Variants in CHN2 observed in about 807,000 individuals in gnomAD.
CHN2 encodes beta-chimaerin.
A neutral mutation model predicts 56.3 loss-of-function variants in CHN2; 35 were observed. The ratio of observed to expected loss-of-function variants is 0.62; its 90% confidence interval spans 0.47 to 0.82. The LOEUF (loss-of-function observed/expected upper bound fraction) is 0.82. Ranked by LOEUF, CHN2 falls within the 40% of genes least tolerant of loss-of-function variation. CHN2 has a pLI of 0.00. For synonymous variants in CHN2, 210 were observed against 212.8 expected, an observed-to-expected ratio of 0.99 and a Z score of 0.12; for missense variants, 491 against 580.5, an observed-to-expected ratio of 0.85 and a Z score of 1.58.
At chr7:29,326,967 T>C (rs1410238099) in intron 1 of CHN2, among the ~76,000 whole-genome samples, 3 of 152,202 alleles carry the variant, frequency 2.0e-5, no homozygotes, top group African/African-American at 7.2e-5. Context: ...ATTTTACAAG[T>C]ATAGCAATGG....
intron 12 of CHN2, among the ~76,000 whole-genome samples, chr7:29,510,851 C>T (rs936914238): frequency 2.0e-5 from 3 of 152,162 alleles, no homozygotes; most frequent in African/African-American, 7.2e-5. Context: ...CTGCCACACA[C>T]ACAGCTGTCT....
chr7:29,198,369 T>G (rs1783905251), intron 1 of CHN2, among the ~76,000 whole-genome samples: 1 of 152,266 alleles, frequency 6.6e-6, no homozygotes, highest in Non-Finnish European at 1.5e-5. Flanking sequence ...CACTAGCTGC[T>G]GTTAAACTAC....
rs572458672 is a variant in CHN2 at position 29,257,260 on chromosome 7, A to G, written c.49+62270A>G. On this transcript the variant is annotated intron_variant, in intron 1 of 12. Coordinates refer to ENST00000222792, the MANE Select transcript of CHN2 (RefSeq NM_004067.4). ...GTGGTCCATCCTAGCCCTGGTTTCC[A>G]TTTGGCTTGGTCACACCACTGTGTC... Among the ~76,000 whole-genome samples the G allele has an allele frequency of 3.9e-5, 6 of 152,200 alleles. No individual in the cohort carries two copies. The South Asian group carries it at 8.3e-4, about 21-fold the overall frequency.
chr7:29,246,948 C>T (rs39093), intron 1 of CHN2, among the ~76,000 whole-genome samples: 118,773 of 152,086 alleles, frequency 0.78, 46,585 homozygotes, highest in East Asian at 0.93. Flanking sequence ...ATTTGGCAGA[C>T]ACACAAACAC....
intron 6 of CHN2, among the ~76,000 whole-genome samples, chr7:29,430,576 G>A (rs1782769050): frequency 6.6e-6 from 1 of 152,084 alleles, no homozygotes; most frequent in Admixed American, 6.6e-5. Context: ...TAAACAACTG[G>A]CCACATTTGG....
intron 1 of CHN2, among the ~76,000 whole-genome samples, chr7:29,282,506 C>T (rs924015017): frequency 1.3e-5 from 2 of 152,088 alleles, no homozygotes; most frequent in African/African-American, 2.4e-5. Context: ...ACTATAGAAG[C>T]GTTCCTGAAA....
Position 29,512,782 on chromosome 7 carries a change from C to T in CHN2, c.*47C>T. ...ATGGCCCCAGCACCATCCAAGTTGA[C>T]ACAGCTAAAGGAATAAAAACATTTC... On this transcript the variant is annotated 3_prime_UTR_variant, in exon 13 of 13. Transcript: ENST00000222792. The T allele has an allele frequency of 6.4e-7, 1 of 1,570,254 alleles. No homozygotes were observed. The highest frequency in any genetic ancestry group is 1.2e-5 in the South Asian group (1 of 85,984).
intron 11 of CHN2, among the ~76,000 whole-genome samples, chr7:29,508,472 GT>G (rs1790875504): frequency 6.6e-6 from 1 of 151,006 alleles, no homozygotes; most frequent in South Asian, 2.1e-4. Context: ...GCTGTTAAAT[GT>G]AGTAATGAGA....
At chr7:29,359,552 GAAAAGGAAAA>G (rs1421013244) in intron 2 of CHN2, among the ~76,000 whole-genome samples, 2 of 151,320 alleles carry the variant, frequency 1.3e-5, no homozygotes, top group Non-Finnish European at 2.9e-5. Flanking sequence ...CCTTTTCTTA[GAAAAGGAAAA>G]AAAAGGAAAA....
intron 6 of CHN2, among the ~76,000 whole-genome samples, chr7:29,456,780 A>G (rs1476021183): frequency 6.6e-6 from 1 of 152,072 alleles, no homozygotes. Flanking sequence ...GGAGGGTTCT[A>G]GGAATGCAGG....
At chr7:29,308,061 G>A (rs754086906) in intron 1 of CHN2, among the ~76,000 whole-genome samples, 21 of 152,062 alleles carry the variant, frequency 1.4e-4, no homozygotes, top group Non-Finnish European at 2.5e-4. Flanking sequence ...TGGGTATCTC[G>A]GCATACAAAT....
chr7:29,367,679 G>T (rs575887946), intron 2 of CHN2, among the ~76,000 whole-genome samples: 1 of 152,272 alleles, frequency 6.6e-6, no homozygotes, highest in Admixed American at 6.5e-5. Context: ...AACAATGCCA[G>T]TAACAATTAT....
chr7:29,232,576 A>G (rs1786799446), intron 1 of CHN2, among the ~76,000 whole-genome samples: 1 of 152,184 alleles, frequency 6.6e-6, no homozygotes, highest in Admixed American at 6.5e-5. Context: ...ATTTAATTTC[A>G]TTCTGGTAGC....
intron 6 of CHN2, among the ~76,000 whole-genome samples, chr7:29,437,597 C>CAAAAAAAAAAAAAAAAA (rs11436612): frequency 3.8e-5 from 2 of 52,614 alleles, no homozygotes; most frequent in East Asian, 4.2e-4. Context: ...GACTCCGTCT[C>CAAAAAAAAAAAAAAAAA]AAAAAAAAAA....
intron 2 of CHN2, among the ~76,000 whole-genome samples, chr7:29,157,402 TATATTTA>T (rs1386297280): frequency 1.3e-5 from 2 of 152,024 alleles, no homozygotes; most frequent in Non-Finnish European, 2.9e-5. Context: ...ATTATTCCTC[TATATTTA>T]GAACTTCTCT....
At chr7:29,355,866 C>A (rs1235734843) in intron 2 of CHN2, among the ~76,000 whole-genome samples, 1 of 147,964 alleles carries the variant, frequency 6.8e-6, no homozygotes, top group Admixed American at 6.9e-5. Flanking sequence ...TCACTGCAAC[C>A]TCCACCTCCC....
Position 29,232,653 on chromosome 7 carries a change from T to G in CHN2, c.49+37663T>G, listed in dbSNP as rs113352048. Among the ~76,000 whole-genome samples the G allele has an allele frequency of 8.4e-3, 1,199 of 142,676 alleles. 15 individuals carry two copies. Among genetic ancestry groups the G allele is most frequent in the African/African-American group, 0.029 (1,127 of 38,698 alleles). 93.6% of individuals were successfully genotyped at this position (142,676 alleles called of 152,430 possible). ...TCCATCCAAGAATAGCGGTGCGTCT[T>G]TTTCACAGTGTTGGGGCTTGGTTGA... On this transcript the variant is annotated intron_variant, in intron 1 of 12. Transcript: ENST00000222792.
chr7:29,455,690 G>T (rs1300967491), intron 6 of CHN2, among the ~76,000 whole-genome samples: 1 of 152,214 alleles, frequency 6.6e-6, no homozygotes, highest in African/African-American at 2.4e-5. Flanking sequence ...AGAGGTTGGG[G>T]AGGGGTGTCA....
chr7:29,479,815 T>C (rs1200112254), intron 6 of CHN2: 2 of 1,257,552 alleles, frequency 1.6e-6, no homozygotes, highest in East Asian at 4.0e-5. Flanking sequence ...CCCTGAATCC[T>C]CAGTGGCTGA....
Sources: gnomAD v4.1 joint callset for allele counts (sites outside exome capture counted in the v4.1 genomes callset) on GRCh38, gnomAD v4.1.1 for gene constraint, MANE v1.5 for transcripts, NCBI Gene and HGNC (gene_info 2026-07-23, HGNC 2026-07-21) for gene names.